PRPS2: variants seen among roughly 807,000 people sequenced by gnomAD.
PRPS2 encodes phosphoribosyl pyrophosphate synthetase 2, also known as ribose-phosphate pyrophosphokinase 2.
For missense variants in PRPS2, 104 were observed against 271.5 expected (o/e 0.38, Z 4.34); for synonymous variants, 111 against 115.3 (o/e 0.96, Z 0.24).
chrX:12,816,388 G>A (rs1453211328), intron 4 of PRPS2, among the ~76,000 whole-genome samples: 1 of 111,028 alleles, frequency 9.0e-6, no homozygotes, highest in East Asian at 2.8e-4. Context: ...TGCAGCCCCC[G>A]ATCTCCCAGG....
intron 5 of PRPS2, among the ~76,000 whole-genome samples, chrX:12,820,220 C>T (rs1229658264): frequency 4.4e-5 from 5 of 112,560 alleles, no homozygotes; most frequent in Admixed American, 9.3e-5. Flanking sequence ...GTTGATTACA[C>T]ATCAAAACAA....
chrX:12,799,268 G>A lies in PRPS2; in HGVS notation c.184G>A (p.Glu62Lys). ...CTACATCATCCAGAGCGGCTGCGGG[G>A]AAATTAACGACAACCTGATGGAACT... ...DVYIIQSGCG[E>K]INDNLMELLI... is the part of the protein sequence containing the mutation. The change falls in exon 2 of 7, where the codon GAA becomes AAA. Residue 62 changes from glutamate (E) to lysine (K), a missense_variant. Coordinates refer to ENST00000380668, the MANE Select transcript of PRPS2 (RefSeq NM_002765.5). The A allele has an allele frequency of 8.3e-7, 1 of 1,211,676 alleles. No individual in the cohort carries two copies. The highest frequency in any genetic ancestry group is 1.1e-6 in the Non-Finnish European group (1 of 895,484).
intron 2 of PRPS2, among the ~76,000 whole-genome samples, chrX:12,805,088 T>C (rs1028452592): frequency 3.6e-5 from 4 of 112,310 alleles, no homozygotes; most frequent in African/African-American, 1.3e-4. Flanking sequence ...GTTTTCTTTG[T>C]ATGTACAAGA....
At chrX:12,809,450 C>CTAAA in intron 3 of PRPS2, 118 bp downstream of exon 3, 4 of 726,033 alleles carry the variant, frequency 5.5e-6, no homozygotes, top group Non-Finnish European at 6.1e-6. Context: ...TTTGTCTTTA[C>CTAAA]TAAACTTGAA....
intron 1 of PRPS2, among the ~76,000 whole-genome samples, chrX:12,793,937 G>A (rs1295913093): frequency 8.9e-6 from 1 of 112,315 alleles, no homozygotes; most frequent in East Asian, 2.8e-4. Context: ...GAAATTCCAT[G>A]ATGACATCTT....
intron 5 of PRPS2, 132 bp downstream of exon 5, chrX:12,819,812 C>T: frequency 2.5e-6 from 2 of 798,628 alleles, no homozygotes; most frequent in Non-Finnish European, 1.7e-6. Flanking sequence ...AAAGGAGATT[C>T]TAGGCCCTTT....
chrX:12,791,768 C>G (rs1423068672), intron 1 of PRPS2, 149 bp downstream of exon 1: 67 of 546,933 alleles, frequency 1.2e-4, no homozygotes, highest in Non-Finnish European at 1.5e-4. Flanking sequence ...CCTCCGCGCC[C>G]CCGCGCCCGC....
rs769984032 is a variant in PRPS2, at chrX:12,811,071, T to C, written c.530+925T>C. ...CTGCAGAGCCCCTGCAGAGGGAGAA[T>C]TTCACAATCCTAGCTGCTCGGTGAG... On this transcript the variant is annotated intron_variant, in intron 4 of 6. Coordinates refer to ENST00000380668, the MANE Select transcript of PRPS2 (RefSeq NM_002765.5). Among the ~76,000 whole-genome samples, 8 of 111,725 alleles carry C rather than the reference T, an allele frequency of 7.2e-5. No individual in the cohort carries two copies. The Admixed American group carries it at 7.6e-4, about 11-fold the overall frequency.
At chrX:12,820,613 C>T (rs369917865) in intron 5 of PRPS2, 31 bp from the exon 6 acceptor site, 4 of 1,188,584 alleles carry the variant, frequency 3.4e-6, no homozygotes, top group Non-Finnish European at 4.5e-6. Context: ...TATTTGCATA[C>T]CCTTAATTTT....
At chrX:12,808,287 A>AGTGTGTGT (rs762950596) in intron 2 of PRPS2, among the ~76,000 whole-genome samples, 5 of 46,484 alleles carry the variant, frequency 1.1e-4, no homozygotes, top group Non-Finnish European at 1.7e-4. Context: ...ACATGAATAT[A>AGTGTGTGT]CTGTGTGTGT....
In PRPS2 at chrX:12,797,321, G is replaced by A. The variant is rs769074019; in HGVS notation, c.123-1886G>A. Among the ~76,000 whole-genome samples, 16 of 108,642 alleles carry A rather than the reference G, an allele frequency of 1.5e-4. No individual in the cohort carries two copies. The East Asian group carries it at 4.6e-3, about 31-fold the overall frequency. 94.3% of individuals were successfully genotyped at this position (108,642 alleles called of 115,157 possible). A position where few individuals can be genotyped will look rare whatever the true frequency, so the allele number is the denominator to read the frequency against. On this transcript the variant is annotated intron_variant, in intron 1 of 6. Coordinates refer to ENST00000380668, the MANE Select transcript of PRPS2 (RefSeq NM_002765.5). ...CGGAGTGAGCTGAGATGTCACCACT[G>A]CCCTCCAGCCTGGGCAACAGAGTGA...
At chrX:12,799,970 A>G (rs1233632729) in intron 2 of PRPS2, among the ~76,000 whole-genome samples, 1 of 112,431 alleles carries the variant, frequency 8.9e-6, no homozygotes, top group Admixed American at 9.4e-5. Flanking sequence ...TTTTCACAAC[A>G]TTAGCATCAG....
intron 4 of PRPS2, among the ~76,000 whole-genome samples, chrX:12,815,633 G>A (rs1239765191): frequency 9.0e-6 from 1 of 111,392 alleles, no homozygotes; most frequent in Non-Finnish European, 1.9e-5. Context: ...TAATAGAACT[G>A]TACGTGTTTT....
intron 2 of PRPS2, among the ~76,000 whole-genome samples, chrX:12,799,845 T>C (rs180813034): frequency 2.7e-5 from 3 of 111,500 alleles, no homozygotes; most frequent in African/African-American, 9.8e-5. Context: ...CGTTGTTTCA[T>C]ACAACTGCAT....
chrX:12,810,261 G>C (rs1161921503), intron 4 of PRPS2, 115 bp downstream of exon 4: 3 of 975,013 alleles, frequency 3.1e-6, no homozygotes, highest in African/African-American at 3.8e-5. Context: ...TTTTGCTAAT[G>C]AGCAAGTAAG....
intron 5 of PRPS2, among the ~76,000 whole-genome samples, chrX:12,820,087 G>A (rs1231152683): frequency 1.8e-5 from 2 of 112,608 alleles, no homozygotes; most frequent in Non-Finnish European, 3.7e-5. Flanking sequence ...ACACGTGGCC[G>A]TGGAGCTCTT....
intron 2 of PRPS2, among the ~76,000 whole-genome samples, 180 bp from the exon 3 acceptor site, chrX:12,809,054 A>G (rs187153382): frequency 5.1e-4 from 57 of 112,643 alleles, no homozygotes; most frequent in Admixed American, 1.8e-3. Flanking sequence ...ATATGTAAAT[A>G]GTAAATATTT....
chrX:12,820,887 T>A, intron 6 of PRPS2, 84 bp downstream of exon 6: 2 of 1,038,816 alleles, frequency 1.9e-6, no homozygotes, highest in Non-Finnish European at 2.6e-6. Flanking sequence ...TGTGTGTGTG[T>A]GGCTCCTTGC....
chrX:12,818,731 G>A (rs149171333), intron 4 of PRPS2, among the ~76,000 whole-genome samples: 2,264 of 111,979 alleles, frequency 0.02, 68 homozygotes, highest in African/African-American at 0.071. Flanking sequence ...TTATACCTGT[G>A]GCATTGTCTT....
Sources: allele counts gnomAD v4.1 joint callset (sites outside exome capture counted in the v4.1 genomes callset), GRCh38; gene constraint gnomAD v4.1.1; transcripts MANE v1.5; gene names NCBI Gene and HGNC (gene_info 2026-07-23, HGNC 2026-07-21).